The following CCDC14 variants were observed in gnomAD, a reference collection of about 807,000 sequenced individuals.
CCDC14 encodes coiled-coil domain-containing protein 14.
In CCDC14, 71 loss-of-function variants were observed where a neutral mutation model predicts 81.4. The ratio of observed to expected loss-of-function variants is 0.87; its 90% CI spans 0.72 to 1.06. CCDC14 has a LOEUF of 1.06. Among genes scored for constraint, CCDC14 ranks in the 50% least tolerant of loss-of-function variants. The pLI is 0.00. For missense variants in CCDC14, 1,046 were observed against 1,047.3 expected, an observed-to-expected ratio of 1.00 and a Z score of 0.02; for synonymous variants, 332 against 364.8, an observed-to-expected ratio of 0.91 and a Z score of 1.03.
At chr3:123,898,666 C>A (rs556892417) in intron 5 of CCDC14, among the ~76,000 whole-genome samples, 2 of 152,180 alleles carry the variant, frequency 1.3e-5, no homozygotes, top group Admixed American at 6.5e-5. Context: ...AAGTTTGAAT[C>A]CAGCACTTGT....
At chr3:123,952,853 G>T (rs767812382) in intron 5 of CCDC14, 2 of 213,594 alleles carry the variant, frequency 9.4e-6, no homozygotes, top group South Asian at 1.4e-4. Flanking sequence ...GAGCATTGTG[G>T]TAACAAAGCA....
chr3:123,947,148 C>T lies in CCDC14; in HGVS notation c.856G>A (p.Gly286Arg), dbSNP rs2036681728. ...PTLQQLGLVN[G>R]ILPQQGIHKE... is the part of the protein sequence containing the mutation. ...TGAATTCCTTGTTGTGGCAGAATTC[C>T]ATTAACAAGGCCCAGTTGCTGCAAT... The change falls in exon 8 of 13, where the codon GGA (glycine) becomes AGA (arginine). Residue 286 changes from glycine (G) to arginine (R), a missense_variant. Coordinates refer to ENST00000409697, the MANE Select transcript of CCDC14 (RefSeq NM_001366335.1). 6.2e-7 allele frequency: 1 copy of T among 1,613,700 alleles called. No individual in the cohort carries two copies. Among genetic ancestry groups the T allele is most frequent in the Non-Finnish European group, 8.5e-7 (1 of 1,179,862 alleles).
At chr3:123,944,329 G>A (rs1382059854) in intron 9 of CCDC14, among the ~76,000 whole-genome samples, 1 of 152,034 alleles carries the variant, frequency 6.6e-6, no homozygotes. Context: ...AAATATAAGT[G>A]GTAGCGAAAC....
At chr3:123,940,946 C>T (rs796472517) in intron 9 of CCDC14, among the ~76,000 whole-genome samples, 10 of 152,172 alleles carry the variant, frequency 6.6e-5, no homozygotes, top group African/African-American at 2.4e-4. Context: ...TAGCTCCCAT[C>T]TGGAAGAATT....
At chr3:123,891,241 T>G in the CCDC14 span, among the ~76,000 whole-genome samples, 1 of 152,360 alleles carries the variant, frequency 6.6e-6, no homozygotes, top group East Asian at 1.9e-4. Context: ...GTCTCTGACA[T>G]GGCCTGGAGA....
intron 8 of CCDC14, among the ~76,000 whole-genome samples, chr3:123,945,448 T>A (rs141961696): frequency 6.6e-6 from 1 of 152,228 alleles, no homozygotes; most frequent in East Asian, 1.9e-4. Flanking sequence ...GGCAAAATAT[T>A]GAGTGAGGGT....
chr3:123,924,954 TACACACAC>T (rs67990689), intron 12 of CCDC14, among the ~76,000 whole-genome samples: 1 of 147,286 alleles, frequency 6.8e-6, no homozygotes, highest in Admixed American at 6.8e-5. Flanking sequence ...TATACATATA[TACACACAC>T]ACACACACAC....
chr3:123,911,177 T>A (rs1360464580), downstream of CCDC14, among the ~76,000 whole-genome samples: 2 of 152,172 alleles, frequency 1.3e-5, no homozygotes, highest in African/African-American at 2.4e-5. Flanking sequence ...TATAGTCCTT[T>A]CAAAAAGTTA....
chr3:123,906,905 T>C (rs1227447488), intron 5 of CCDC14, among the ~76,000 whole-genome samples: 1 of 152,246 alleles, frequency 6.6e-6, no homozygotes, highest in Non-Finnish European at 1.5e-5. Context: ...TAATGTGTCC[T>C]TCCATCTTTT....
rs139337354 is a variant in CCDC14 at position 123,956,392 on chromosome 3, T to A, written c.122A>T (p.Asp41Val). Reference protein sequence around the residue: ...YLRKIPRFNADSGYSIHSDSE... With the variant: ...YLRKIPRFNAVSGYSIHSDSE... ...ATCAGAATGGATGGAATAGCCAGAA[T>A]CTGCATTAAAACGTGGTATTTTTCT... The change falls in exon 3 of 13, where the codon GAT becomes GTT. Residue 41 changes from aspartate to valine, a missense_variant. By Grantham distance (152) the Asp-to-Val change is radical. Transcript: ENST00000409697. 9.1e-4 allele frequency: 1,411 copies of A among 1,548,430 alleles called. 11 individuals carry two copies. In the African/African-American group the frequency reaches 0.017, roughly 19 times the overall value.
At chr3:123,961,097 G>T in intron 1 of CCDC14, 47 bp downstream of exon 1, 1 of 1,487,162 alleles carries the variant, frequency 6.7e-7, no homozygotes. Context: ...AAACCCCCCT[G>T]TCCCTCTCCA....
At chr3:123,896,423 A>G (rs1349844980), downstream of CCDC14, among the ~76,000 whole-genome samples, 1 of 152,230 alleles carries the variant, frequency 6.6e-6, no homozygotes, top group African/African-American at 2.4e-5. Flanking sequence ...AACAGAAACT[A>G]AGACATGGTA....
intron 5 of CCDC14, among the ~76,000 whole-genome samples, chr3:123,902,226 T>C (rs1488605330): frequency 1.3e-5 from 2 of 152,224 alleles, no homozygotes; most frequent in Admixed American, 6.5e-5. Context: ...TTATATGAAC[T>C]ATACCATTGG....
Position 123,915,245 on chromosome 3 carries a change from G to A in CCDC14, c.2252C>T (p.Pro751Leu). 1.2e-6 allele frequency: 2 copies of A among 1,613,902 alleles called. No homozygotes were observed. Among genetic ancestry groups the A allele is most frequent in the Non-Finnish European group, 1.7e-6 (2 of 1,179,884 alleles). The change falls in exon 13 of 13, where the codon CCT becomes CTT. Residue 751 changes from proline (P) to leucine (L), a missense_variant. Pro to Leu is a moderately conservative substitution (Grantham distance 98). Coordinates refer to ENST00000409697, the MANE Select transcript of CCDC14 (RefSeq NM_001366335.1). ...TGTAGCTGCTCTTATTTGTGGCTGAGGGGATAGTCTCTTAGAAAGTGGTGA... is the reference window on the plus strand; with the variant it reads ...TGTAGCTGCTCTTATTTGTGGCTGAAGGGATAGTCTCTTAGAAAGTGGTGA... The part of the protein sequence containing the change: ...KKSPLSKRLS[P>L]QPQIRAATTQ...
Position 123,955,211 on chromosome 3 carries a change from T to C in CCDC14, c.352+632A>G, listed in dbSNP as rs1252708732. The C allele has an allele frequency of 2.0e-5, 3 of 152,192 alleles. No homozygotes were observed. The East Asian group carries it at 5.8e-4, about 29-fold the overall frequency. The allele number at this position is 152,192 out of a possible 1,614,324, so 9.4% of individuals were successfully genotyped here. On this transcript the variant is annotated intron_variant, in intron 5 of 12. Coordinates refer to ENST00000409697, the MANE Select transcript of CCDC14 (RefSeq NM_001366335.1). Reference sequence around the variant, plus strand: ...AACTGGCTAGTCTAATTCTAGTCCATCTGAATTCCCACTGTGGACTTTTTC... The same window carrying C: ...AACTGGCTAGTCTAATTCTAGTCCACCTGAATTCCCACTGTGGACTTTTTC...
At chr3:123,924,317 C>T (rs1212692768) in intron 12 of CCDC14, among the ~76,000 whole-genome samples, 1 of 152,038 alleles carries the variant, frequency 6.6e-6, no homozygotes, top group Non-Finnish European at 1.5e-5. Flanking sequence ...AAATACAAGA[C>T]CTGAAACTGT....
chr3:123,941,664 A>C (rs773524686), intron 9 of CCDC14, among the ~76,000 whole-genome samples: 62 of 152,180 alleles, frequency 4.1e-4, no homozygotes, highest in Admixed American at 2.6e-4. Flanking sequence ...CAAGTAAACA[A>C]CAGTGGCAAT....
rs181879893 is a variant in CCDC14, at chr3:123,926,431, T to C, written c.1778+4671A>G. 8.6e-5 allele frequency among the ~76,000 whole-genome samples: 13 copies of C among 151,602 alleles called. No homozygotes were observed. In the East Asian group the frequency reaches 2.5e-3, roughly 29 times the overall value. ...ATTTTCATAACAAATGCAGGGTTCTTTCTAGGCTACTTACAAAAATATATT... is the reference window on the plus strand; with the variant it reads ...ATTTTCATAACAAATGCAGGGTTCTCTCTAGGCTACTTACAAAAATATATT... On this transcript the variant is annotated intron_variant, in intron 12 of 12. Coordinates refer to ENST00000409697, the MANE Select transcript of CCDC14 (RefSeq NM_001366335.1).
rs2034527273 is a variant in CCDC14 at position 123,914,143 on chromosome 3, A to C, written c.*636T>G. On this transcript the variant is annotated 3_prime_UTR_variant, in exon 13 of 13. Transcript: ENST00000409697. ...AGTCTGACTATTCTTTAAAGGCCTT[A>C]AAACATGAATTTGGGATAAAAACAA... The C allele has an allele frequency of 2.0e-6, 2 of 985,554 alleles. No individual in the cohort carries two copies. The highest frequency in any genetic ancestry group is 2.4e-6 in the Non-Finnish European group (2 of 829,770). The allele number at this position is 985,554 out of a possible 1,614,324, so 61.1% of individuals were successfully genotyped here.
Sources: gnomAD v4.1 joint callset for allele counts (sites outside exome capture counted in the v4.1 genomes callset) on GRCh38, gnomAD v4.1.1 for gene constraint, MANE v1.5 for transcripts, NCBI Gene and HGNC (gene_info 2026-07-23, HGNC 2026-07-21) for gene names.